The following UNC13C variants were observed in gnomAD, a reference collection of about 807,000 sequenced individuals.
UNC13C encodes protein unc-13 homolog C.
In UNC13C, 174 loss-of-function variants were observed where a neutral mutation model predicts 245.4. The observed-to-expected ratio is 0.71, with a 90% confidence interval of 0.63 to 0.80. UNC13C has a LOEUF of 0.80. UNC13C is among the 30% of genes least tolerant of loss of function. UNC13C has a pLI of 0.00. For missense variants in UNC13C, 2,829 were observed against 2,602.9 expected, an observed-to-expected ratio of 1.09 and a Z score of -1.89; for synonymous variants, 992 against 895.1, an observed-to-expected ratio of 1.11 and a Z score of -1.93.
intron 9 of UNC13C, 24 bp from the exon 10 acceptor site, chr15:54,265,331 A>T (rs2140891603): frequency 7.0e-7 from 1 of 1,436,860 alleles, no homozygotes; most frequent in East Asian, 2.4e-5. Context: ...TGTATGTTAA[A>T]ATGTTTATTT....
chr15:53,901,721 G>A, the UNC13C span, among the ~76,000 whole-genome samples: 2 of 152,006 alleles, frequency 1.3e-5, no homozygotes, highest in South Asian at 2.1e-4. Context: ...TATTTTTGAG[G>A]CCAAATTGAT....
At chr15:53,908,349 C>T in the UNC13C span, among the ~76,000 whole-genome samples, 1 of 146,344 alleles carries the variant, frequency 6.8e-6, no homozygotes, top group Non-Finnish European at 1.5e-5. Flanking sequence ...TATACAAGTT[C>T]ACATACACTC....
the UNC13C span, among the ~76,000 whole-genome samples, chr15:53,964,682 A>G: frequency 6.6e-6 from 1 of 152,314 alleles, no homozygotes; most frequent in East Asian, 1.9e-4. Context: ...CCAGAAATCT[A>G]TCCATGAAAC....
In UNC13C at chr15:54,048,864, C is replaced by T. The variant is rs141019356; in HGVS notation, c.2983+32978C>T. ...ACTGAATTCGTTTGTATCCCTTTCA[C>T]GTAATGTTTTAGGCAAAGTGTCACT... On this transcript the variant is annotated intron_variant, in intron 2 of 32. Coordinates refer to ENST00000260323, the MANE Select transcript of UNC13C (RefSeq NM_001080534.3). 601 of 248,468 alleles carry T rather than the reference C, an allele frequency of 2.4e-3. 6 individuals carry two copies. Among genetic ancestry groups the T allele is most frequent in the African/African-American group, 0.013 (580 of 43,064 alleles). 15.4% of individuals were successfully genotyped at this position (248,468 alleles called of 1,614,324 possible).
intron 2 of UNC13C, among the ~76,000 whole-genome samples, chr15:54,080,282 T>C (rs1219400956): frequency 6.6e-6 from 1 of 151,992 alleles, no homozygotes; most frequent in Admixed American, 6.6e-5. Context: ...TATAGTTTTC[T>C]ATTTTTGTTG....
At chr15:54,162,014 A>G (rs2032997455) in intron 4 of UNC13C, among the ~76,000 whole-genome samples, 1 of 152,152 alleles carries the variant, frequency 6.6e-6, no homozygotes, top group Non-Finnish European at 1.5e-5. Flanking sequence ...ATTTTGCTGA[A>G]GCACAAATTT....
intron 22 of UNC13C, among the ~76,000 whole-genome samples, chr15:54,502,435 C>CT (rs1894264997): frequency 6.6e-6 from 1 of 152,158 alleles, no homozygotes. Context: ...TAACCTCCTA[C>CT]TTTTAAAATA....
At chr15:54,381,879 T>A (rs1342228514) in intron 17 of UNC13C, among the ~76,000 whole-genome samples, 1 of 152,176 alleles carries the variant, frequency 6.6e-6, no homozygotes, top group African/African-American at 2.4e-5. Flanking sequence ...ACATTGGACT[T>A]AAACTGAACT....
At chr15:53,846,893 G>A in the UNC13C span, among the ~76,000 whole-genome samples, 2 of 152,240 alleles carry the variant, frequency 1.3e-5, no homozygotes, top group East Asian at 3.9e-4. Flanking sequence ...ACCTCAGCAG[G>A]AGAGCAAAGC....
the UNC13C span, among the ~76,000 whole-genome samples, chr15:53,908,826 C>T: frequency 2.9e-5 from 4 of 138,900 alleles, no homozygotes; most frequent in African/African-American, 1.0e-4. Context: ...TTTTAGAATA[C>T]TTAATTATAT....
intron 26 of UNC13C, among the ~76,000 whole-genome samples, 165 bp downstream of exon 26, chr15:54,533,231 C>A (rs1057397724): frequency 3.3e-5 from 5 of 151,912 alleles, no homozygotes; most frequent in African/African-American, 9.7e-5. Context: ...AAGCAACATA[C>A]CTTTAATTGA....
At chr15:54,492,609 C>A (rs566610800) in intron 19 of UNC13C, among the ~76,000 whole-genome samples, 2 of 152,256 alleles carry the variant, frequency 1.3e-5, no homozygotes, top group Admixed American at 1.3e-4. Context: ...TTATGAGTAT[C>A]TTCAGACACA....
chr15:54,545,580 C>T (rs1045317955), intron 26 of UNC13C, among the ~76,000 whole-genome samples: 1 of 152,018 alleles, frequency 6.6e-6, no homozygotes, highest in Non-Finnish European at 1.5e-5. Context: ...GAACTTAAAT[C>T]TTAGTCTACT....
At chr15:54,135,804 A>G (rs913251247) in intron 2 of UNC13C, among the ~76,000 whole-genome samples, 17 of 152,068 alleles carry the variant, frequency 1.1e-4, no homozygotes, top group Non-Finnish European at 2.5e-4. Context: ...ATTCCATATA[A>G]GTTTTAGAAT....
Position 54,294,067 on chromosome 15 carries a change from G to A in UNC13C, c.3988+3G>A, listed in dbSNP as rs199723006. On this transcript the variant is annotated splice_donor_region_variant and intron_variant, in intron 11 of 32. Transcript: ENST00000260323. ...AATGGATGTCTGGTACAACTTAGGT[G>A]ATTTTTTTTTTTATCTACTTGAAAA... 1.3e-4 allele frequency: 197 copies of A among 1,513,984 alleles called. No individual in the cohort carries two copies. Among genetic ancestry groups the A allele is most frequent in the Admixed American group, 9.5e-5 (4 of 41,972 alleles). 93.8% of individuals were successfully genotyped at this position (1,513,984 alleles called of 1,614,324 possible). A position where few individuals can be genotyped will look rare whatever the true frequency, so the allele number is the denominator to read the frequency against.
intron 12 of UNC13C, among the ~76,000 whole-genome samples, chr15:54,299,605 C>T (rs1268066230): frequency 1.3e-5 from 2 of 152,016 alleles, no homozygotes; most frequent in Non-Finnish European, 2.9e-5. Flanking sequence ...TGTGTAGACC[C>T]ACCCAACTTT....
intron 19 of UNC13C, among the ~76,000 whole-genome samples, chr15:54,489,925 C>A (rs528138567): frequency 1.3e-5 from 2 of 152,206 alleles, no homozygotes; most frequent in African/African-American, 4.8e-5. Flanking sequence ...TATTGAAAAT[C>A]TTTTATTATA....
chr15:54,427,810 T>G (rs975986984), intron 19 of UNC13C, among the ~76,000 whole-genome samples: 2 of 151,792 alleles, frequency 1.3e-5, no homozygotes, highest in Non-Finnish European at 2.9e-5. Flanking sequence ...GTCAATTTTT[T>G]GAGGGGAAAT....
chr15:54,006,599 C>A (rs1895148106), intron 1 of UNC13C, among the ~76,000 whole-genome samples: 1 of 152,206 alleles, frequency 6.6e-6, no homozygotes, highest in Non-Finnish European at 1.5e-5. Context: ...ATATACACAT[C>A]CTTTTACTCC....
Sources: gnomAD v4.1 joint callset for allele counts (sites outside exome capture counted in the v4.1 genomes callset) on GRCh38, gnomAD v4.1.1 for gene constraint, MANE v1.5 for transcripts, NCBI Gene and HGNC (gene_info 2026-07-23, HGNC 2026-07-21) for gene names.